The following IKBIP variants were observed in gnomAD, a reference collection of about 807,000 sequenced individuals.
The protein encoded by IKBIP is IKBKB interacting protein, also known as inhibitor of nuclear factor kappa-B kinase-interacting protein.
Under a neutral mutation model 31.0 loss-of-function variants are expected in IKBIP, and 28 were observed. The ratio of observed to expected loss-of-function variants is 0.90; its 90% confidence interval spans 0.67 to 1.24. IKBIP has a LOEUF of 1.24. Ranked by LOEUF, IKBIP falls within the 50% of genes most tolerant of loss-of-function variation. The pLI is 0.00. For synonymous variants in IKBIP, 164 were observed against 160.3 expected, an observed-to-expected ratio of 1.02 and a Z score of -0.17; for missense variants, 453 against 441.9, an observed-to-expected ratio of 1.03 and a Z score of -0.23.
intron 1 of IKBIP, among the ~76,000 whole-genome samples, chr12:98,640,289 C>T (rs1166536119): frequency 6.6e-6 from 1 of 152,062 alleles, no homozygotes; most frequent in Non-Finnish European, 1.5e-5. Flanking sequence ...ACAAAATTAG[C>T]TGGGCGTGGT....
Position 98,644,748 on chromosome 12 carries a change from G to A in IKBIP, c.-47C>T. On this transcript the variant is annotated 5_prime_UTR_variant, in exon 1 of 3. Coordinates refer to ENST00000299157, the MANE Select transcript of IKBIP (RefSeq NM_153687.4). ...AAGCCCAGGGCAGCTTCTTCACCAG[G>A]GGGAGCAGGACGTGGCCGCCTTGGC... 6.4e-7 allele frequency: 1 copy of A among 1,568,362 alleles called. No individual in the cohort carries two copies. Among genetic ancestry groups the A allele is most frequent in the Non-Finnish European group, 8.6e-7 (1 of 1,164,220 alleles).
intron 2 of IKBIP, among the ~76,000 whole-genome samples, chr12:98,630,254 A>G (rs751076141): frequency 3.3e-5 from 5 of 151,546 alleles, no homozygotes; most frequent in Non-Finnish European, 7.4e-5. Context: ...GTATGTTGGC[A>G]CATGCCTGTA....
downstream of IKBIP, among the ~76,000 whole-genome samples, chr12:98,622,686 T>C (rs561065663): frequency 2.6e-5 from 4 of 152,034 alleles, no homozygotes; most frequent in South Asian, 8.3e-4. Context: ...TGGCATCATA[T>C]CAAAATTTGA....
At chr12:98,634,653 A>G (rs1427086067) in intron 1 of IKBIP, among the ~76,000 whole-genome samples, 2 of 149,202 alleles carry the variant, frequency 1.3e-5, no homozygotes, top group Non-Finnish European at 3.0e-5. Context: ...TCTTACTTCA[A>G]CCTCCCAAAT....
chr12:98,616,105 C>G (rs1030749408), intron 2 of IKBIP, among the ~76,000 whole-genome samples: 1 of 151,894 alleles, frequency 6.6e-6, no homozygotes, highest in African/African-American at 2.4e-5. Context: ...TACTTTCCCA[C>G]TCACAGTGTA....
chr12:98,627,399 A>T (rs766606150), intron 2 of IKBIP, among the ~76,000 whole-genome samples: 30 of 151,386 alleles, frequency 2.0e-4, no homozygotes, highest in Non-Finnish European at 3.8e-4. Context: ...TCCTCCTTTT[A>T]ACTCTAATGG....
chr12:98,644,241 C>A (rs1317285117), intron 1 of IKBIP, among the ~76,000 whole-genome samples: 1 of 152,076 alleles, frequency 6.6e-6, no homozygotes, highest in African/African-American at 2.4e-5. Context: ...AAAGCGTGGC[C>A]GAATCTGCAG....
downstream of IKBIP, among the ~76,000 whole-genome samples, chr12:98,621,706 TAGCTAGTAA>T (rs1448988368): frequency 8.6e-5 from 13 of 151,350 alleles, no homozygotes; most frequent in South Asian, 2.5e-3. Context: ...ATGGGTCTAA[TAGCTAGTAA>T]AGGTGTAGTA....
rs1169906734 is a variant in IKBIP at position 98,634,295 on chromosome 12, C to G, written c.297+1G>C. The G allele has an allele frequency of 7.1e-7, 1 of 1,404,800 alleles. No individual in the cohort carries two copies. Among genetic ancestry groups the G allele is most frequent in the East Asian group, 2.3e-5 (1 of 43,720 alleles). 87.0% of individuals were successfully genotyped at this position (1,404,800 alleles called of 1,614,324 possible). On this transcript the variant is annotated splice_donor_variant, in intron 2 of 2. Transcript: ENST00000299157. LOFTEE classifies it high-confidence loss of function. ...TCCCAGATAAGCCAATTAATGATTACCTTTTCTGAAATTAAACTGATTTTA... is the reference window on the plus strand; with the variant it reads ...TCCCAGATAAGCCAATTAATGATTAGCTTTTCTGAAATTAAACTGATTTTA...
At chr12:98,632,525 A>ATATATATGTG (rs1555211601) in intron 2 of IKBIP, among the ~76,000 whole-genome samples, 1 of 70,948 alleles carries the variant, frequency 1.4e-5, no homozygotes, top group African/African-American at 5.2e-5. Flanking sequence ...ATATATATAT[A>ATATATATGTG]TATATATATA....
rs759011965 is a variant in IKBIP, at chr12:98,644,658, G to C, written c.44C>G (p.Ala15Gly). ...CCGCTTCCCGGGCTCCGCAGCAGGG[G>C]CTCCCTTGGGCCCCGACTTCTTCCG... is the stretch of plus-strand genomic sequence containing the variant. ...KSRKKSGPKGAPAAEPGKRSE... is the reference protein window; with the variant it reads ...KSRKKSGPKGGPAAEPGKRSE... The change falls in exon 1 of 3, where the codon GCC (alanine) becomes GGC (glycine). Residue 15 changes from alanine (A) to glycine (G), a missense_variant. Coordinates refer to ENST00000299157, the MANE Select transcript of IKBIP (RefSeq NM_153687.4). 14 of 1,610,872 alleles carry C rather than the reference G, an allele frequency of 8.7e-6. No individual in the cohort carries two copies. Among genetic ancestry groups the C allele is most frequent in the Admixed American group, 6.7e-5 (4 of 59,660 alleles).
chr12:98,633,510 C>CTTTTTTTTTTTTTT (rs71432181), intron 2 of IKBIP, among the ~76,000 whole-genome samples: 33 of 61,394 alleles, frequency 5.4e-4, no homozygotes, highest in Non-Finnish European at 6.5e-4. Context: ...TTTTTTAATT[C>CTTTTTTTTTTTTTT]TTTTTTTTTT....
rs779215632 is a variant in IKBIP at position 98,626,506 on chromosome 12, G to T, written c.558C>A (p.Val186=). The T allele has an allele frequency of 9.9e-6, 16 of 1,613,354 alleles. No homozygotes were observed. Among genetic ancestry groups the T allele is most frequent in the Non-Finnish European group, 2.5e-6 (3 of 1,180,004 alleles). Residue 186 remains valine (V), a synonymous_variant, in exon 3 of 3, where the codon GTC becomes GTA. Coordinates refer to ENST00000299157, the MANE Select transcript of IKBIP (RefSeq NM_153687.4). Reference sequence around the variant, plus strand: ...TTTCCTGCTCAGCTGAGTTAATTTGGACAGTTACTTGAGAATGTATATGTT... The same window carrying T: ...TTTCCTGCTCAGCTGAGTTAATTTGTACAGTTACTTGAGAATGTATATGTT... ...EAKHIHSQVT[V]QINSAEQEIK... is the part of the protein sequence containing the mutation.
Position 98,626,101 on chromosome 12 carries a change from C to T in IKBIP, c.963G>A (p.Met321Ile). 6.2e-7 allele frequency: 1 copy of T among 1,601,582 alleles called. No individual in the cohort carries two copies. Among genetic ancestry groups the T allele is most frequent in the Non-Finnish European group, 8.5e-7 (1 of 1,172,546 alleles). Residue 321 changes from methionine to isoleucine, a missense_variant, in exon 3 of 3, where the codon ATG becomes ATA. By Grantham distance (10) the Met-to-Ile change is conservative. Transcript: ENST00000299157. ...ACTGAATTCCTTCAAGGGTTTTCTG[C>T]ATCTCCATTATTTCAGACACTGCTT... ...MLKAVSEIME[M>I]QKTLEGIQYD...
At chr12:98,642,799 A>G (rs1386414144) in intron 1 of IKBIP, among the ~76,000 whole-genome samples, 1 of 150,820 alleles carries the variant, frequency 6.6e-6, no homozygotes, top group Non-Finnish European at 1.5e-5. Context: ...GGGTTTTGCT[A>G]TGTTGGCCAG....
Position 98,613,576 on chromosome 12 carries a change from A to G in IKBIP, c.*9T>C, listed in dbSNP as rs1361918134. Reference sequence around the variant, plus strand: ...AAAATTACCTTAGTCTAATCTCAATAATGTCAAACTAATTCATATCTGAAA... The same window carrying G: ...AAAATTACCTTAGTCTAATCTCAATGATGTCAAACTAATTCATATCTGAAA... On this transcript the variant is annotated 3_prime_UTR_variant, in exon 3 of 3. Coordinates refer to the IKBIP transcript ENST00000342502. 5 of 1,393,296 alleles carry G rather than the reference A, an allele frequency of 3.6e-6. No homozygotes were observed. In the African/African-American group the frequency reaches 7.3e-5, roughly 20 times the overall value. The allele number at this position is 1,393,296 out of a possible 1,614,324, so 86.3% of individuals were successfully genotyped here. A position where few individuals can be genotyped will look rare whatever the true frequency, so the allele number is the denominator to read the frequency against.
chr12:98,618,666 C>T (rs1368736358), intron 2 of IKBIP, among the ~76,000 whole-genome samples: 1 of 151,414 alleles, frequency 6.6e-6, no homozygotes, highest in Non-Finnish European at 1.5e-5. Context: ...TCTCACTATG[C>T]TGCCCAGGCT....
downstream of IKBIP, among the ~76,000 whole-genome samples, chr12:98,621,815 T>C (rs1337356861): frequency 3.9e-5 from 6 of 152,176 alleles, no homozygotes; most frequent in African/African-American, 1.2e-4. Context: ...CGGTGGCTCA[T>C]GTCTGTAATC....
exon 3 of IKBIP, chr12:98,613,599 A>G: frequency 6.7e-7 from 1 of 1,495,536 alleles, no homozygotes. Context: ...TTCATATCTG[A>G]AATGTGTGCT....
Sources: allele counts gnomAD v4.1 joint callset (sites outside exome capture counted in the v4.1 genomes callset), GRCh38; gene constraint gnomAD v4.1.1; transcripts MANE v1.5; gene names NCBI Gene and HGNC (gene_info 2026-07-23, HGNC 2026-07-21).